OTUD7A: variants seen among roughly 807,000 people sequenced by gnomAD.
The protein encoded by OTUD7A is OTU domain-containing protein 7A.
A neutral mutation model predicts 65.7 loss-of-function variants in OTUD7A; 12 were observed. The ratio of observed to expected loss-of-function variants is 0.18; its 90% CI spans 0.12 to 0.30. The LOEUF (loss-of-function observed/expected upper bound fraction) is 0.30, where lower values mean the gene tolerates loss of function less well. OTUD7A is among the 10% of genes least tolerant of loss of function. OTUD7A has a pLI of 1.00. For missense variants in OTUD7A, 1,148 were observed against 1,304.8 expected, an observed-to-expected ratio of 0.88 and a Z score of 1.85; for synonymous variants, 641 against 586.3, an observed-to-expected ratio of 1.09 and a Z score of -1.35.
At chr15:31,511,033 GTAACATACA>G (rs2041706534) in intron 8 of OTUD7A, among the ~76,000 whole-genome samples, 1 of 34,928 alleles carries the variant, frequency 2.9e-5, no homozygotes, top group Non-Finnish European at 4.6e-5. Flanking sequence ...ATATCTATAT[GTAACATACA>G]TGTATATCTA....
At chr15:31,739,705 G>A (rs756360742) in intron 1 of OTUD7A, among the ~76,000 whole-genome samples, 1 of 152,024 alleles carries the variant, frequency 6.6e-6, no homozygotes, top group Non-Finnish European at 1.5e-5. Context: ...TGATTCTTGT[G>A]CCTCAGCCAC....
chr15:31,492,660 A>G (rs1415719677), intron 10 of OTUD7A, among the ~76,000 whole-genome samples: 1 of 152,172 alleles, frequency 6.6e-6, no homozygotes, highest in Non-Finnish European at 1.5e-5. Flanking sequence ...ACAATTAAAA[A>G]TAGGGGTATA....
intron 1 of OTUD7A, among the ~76,000 whole-genome samples, chr15:31,761,861 T>G (rs959884): frequency 0.2 from 30,561 of 152,140 alleles, 3,491 homozygotes; most frequent in Admixed American, 0.28. Context: ...TACTACAACA[T>G]GGATGAACCT....
chr15:31,848,936 G>C (rs1361053689), intron 1 of OTUD7A, among the ~76,000 whole-genome samples: 1 of 152,214 alleles, frequency 6.6e-6, no homozygotes. Flanking sequence ...AAACAGGCCT[G>C]CAGTTGCTTG....
chr15:31,574,409 A>C (rs1889144302), intron 3 of OTUD7A, among the ~76,000 whole-genome samples: 1 of 152,228 alleles, frequency 6.6e-6, no homozygotes, highest in Admixed American at 6.5e-5. Flanking sequence ...TATCTCTAAA[A>C]AGAAAGATGA....
chr15:31,754,059 C>T (rs1366520940), intron 1 of OTUD7A, among the ~76,000 whole-genome samples: 1 of 152,014 alleles, frequency 6.6e-6, no homozygotes, highest in African/African-American at 2.4e-5. Context: ...TATGGCCATT[C>T]TTGCAGGAGT....
At chr15:31,521,528 C>T (rs1404697794) in intron 8 of OTUD7A, among the ~76,000 whole-genome samples, 4 of 152,100 alleles carry the variant, frequency 2.6e-5, no homozygotes, top group African/African-American at 7.2e-5. Flanking sequence ...CATAAGAATG[C>T]CTCCTTTCCT....
intron 5 of OTUD7A, among the ~76,000 whole-genome samples, chr15:31,532,493 T>C (rs575999462): frequency 2.7e-5 from 4 of 150,150 alleles, no homozygotes; most frequent in South Asian, 2.1e-4. Context: ...AGGTATAACA[T>C]AGAAATCACC....
At chr15:31,694,654 C>T (rs1893033720) in intron 1 of OTUD7A, among the ~76,000 whole-genome samples, 1 of 152,170 alleles carries the variant, frequency 6.6e-6, no homozygotes, top group African/African-American at 2.4e-5. Context: ...CAACACCATT[C>T]TGCTCTCTGC....
intron 1 of OTUD7A, among the ~76,000 whole-genome samples, chr15:31,696,438 A>G (rs1344339184): frequency 2.5e-5 from 3 of 118,870 alleles, no homozygotes; most frequent in African/African-American, 8.8e-5. Context: ...ATCTGGGCCC[A>G]TCGCCTTCTC....
At chr15:31,567,276 G>T (rs969464654) in intron 4 of OTUD7A, among the ~76,000 whole-genome samples, 4 of 152,222 alleles carry the variant, frequency 2.6e-5, no homozygotes, top group African/African-American at 7.2e-5. Flanking sequence ...CCTTAGCAAA[G>T]AGCTCAGCTG....
At chr15:31,770,811 C>T (rs1441233144) in intron 1 of OTUD7A, among the ~76,000 whole-genome samples, 1 of 152,184 alleles carries the variant, frequency 6.6e-6, no homozygotes, top group East Asian at 1.9e-4. Context: ...AATAATCTCA[C>T]TAGATACAGA....
chr15:31,845,500 C>T (rs916431207), intron 1 of OTUD7A, among the ~76,000 whole-genome samples: 6 of 152,220 alleles, frequency 3.9e-5, no homozygotes, highest in South Asian at 2.1e-4. Flanking sequence ...GGCCTCACGC[C>T]GGCTCCAACC....
chr15:31,854,796 A>T (rs1301228939), intron 1 of OTUD7A, among the ~76,000 whole-genome samples: 1 of 151,948 alleles, frequency 6.6e-6, no homozygotes. Flanking sequence ...CTTCCTGCCT[A>T]CCACACTTTC....
intron 10 of OTUD7A, among the ~76,000 whole-genome samples, chr15:31,488,565 C>T (rs2041272380): frequency 6.6e-6 from 1 of 152,206 alleles, no homozygotes; most frequent in South Asian, 2.1e-4. Flanking sequence ...AGCTCCCCTG[C>T]AGGCCCCACA....
intron 8 of OTUD7A, among the ~76,000 whole-genome samples, chr15:31,521,015 TATAACTC>T (rs2041929664): frequency 6.6e-6 from 1 of 152,348 alleles, no homozygotes; most frequent in African/African-American, 2.4e-5. Flanking sequence ...TCCTCAGTGA[TATAACTC>T]AGAAACAGAA....
chr15:31,594,212 G>A (rs911197962), intron 3 of OTUD7A, among the ~76,000 whole-genome samples: 5 of 152,050 alleles, frequency 3.3e-5, no homozygotes, highest in East Asian at 1.9e-4. Context: ...CAGGCACTCT[G>A]CACCCTGGTT....
intron 3 of OTUD7A, among the ~76,000 whole-genome samples, chr15:31,573,924 CA>C (rs1889127035): frequency 6.6e-6 from 1 of 151,738 alleles, no homozygotes; most frequent in South Asian, 2.1e-4. Flanking sequence ...ACAAAAAAAA[CA>C]AAACTACAGT....
rs2041203988 is a variant in OTUD7A, at chr15:31,484,524, C to T, written c.1572G>A (p.Leu524=). ...KTRADSVANK[L]GSFSKTLGIK... is the part of the protein sequence containing the mutation. Reference sequence around the variant, plus strand: ...TGCCCAGCGTCTTGCTGAAGCTGCCCAGCTTGTTGGCCACGGAGTCGGCGC... The same window carrying T: ...TGCCCAGCGTCTTGCTGAAGCTGCCTAGCTTGTTGGCCACGGAGTCGGCGC... The change falls in exon 13 of 13, where the codon CTG becomes CTA. Residue 524 remains leucine (L), a synonymous_variant. Coordinates refer to ENST00000307050, the MANE Select transcript of OTUD7A (RefSeq NM_001382637.1). The surrounding 1 kb of genome is among the most constrained non-coding windows in gnomAD (Gnocchi z 4.5). The T allele has an allele frequency of 1.9e-6, 3 of 1,610,878 alleles. No homozygotes were observed. Among genetic ancestry groups the T allele is most frequent in the African/African-American group, 1.3e-5 (1 of 75,054 alleles).
Sources: allele counts gnomAD v4.1 joint callset (sites outside exome capture counted in the v4.1 genomes callset), GRCh38; gene constraint gnomAD v4.1.1; non-coding constraint Gnocchi (gnomAD v3.1); transcripts MANE v1.5; gene names NCBI Gene and HGNC (gene_info 2026-07-23, HGNC 2026-07-21).